Variants in ZMYND12 observed in about 807,000 individuals in gnomAD.
The protein encoded by ZMYND12 is zinc finger MYND domain-containing protein 12.
A neutral mutation model predicts 41.7 loss-of-function variants in ZMYND12; 32 were observed. The ratio of observed to expected loss-of-function variants is 0.77; its 90% confidence interval spans 0.58 to 1.03. The LOEUF (loss-of-function observed/expected upper bound fraction) is 1.03, where lower values mean the gene tolerates loss of function less well. Among genes scored for constraint, ZMYND12 ranks in the 50% least tolerant of loss-of-function variants. The pLI is 0.00. For missense variants in ZMYND12, 424 were observed against 438.5 expected, an observed-to-expected ratio of 0.97 and a Z score of 0.30; for synonymous variants, 148 against 164.8, an observed-to-expected ratio of 0.90 and a Z score of 0.78.
At chr1:42,446,982 C>T (rs751316339) in intron 3 of ZMYND12, among the ~76,000 whole-genome samples, 3 of 152,064 alleles carry the variant, frequency 2.0e-5, no homozygotes, top group South Asian at 2.1e-4. Context: ...ATCAAATTAA[C>T]GATAGTAATG....
intron 3 of ZMYND12, among the ~76,000 whole-genome samples, chr1:42,443,831 T>G (rs1051762736): frequency 6.6e-6 from 1 of 152,158 alleles, no homozygotes; most frequent in African/African-American, 2.4e-5. Context: ...ACATGATCCC[T>G]GACTCCAAGA....
At chr1:42,436,613 A>G (rs1483316384) in intron 4 of ZMYND12, 70 bp from the exon 5 acceptor site, 1 of 1,552,830 alleles carries the variant, frequency 6.4e-7, no homozygotes, top group Non-Finnish European at 8.7e-7. Flanking sequence ...AAGGACTTGT[A>G]TCTAGAATAC....
chr1:42,449,855 G>C lies in ZMYND12; in HGVS notation c.252+63C>G, dbSNP rs908994036. 1.9e-6 allele frequency: 3 copies of C among 1,589,610 alleles called. No homozygotes were observed. In the Admixed American group the frequency reaches 5.1e-5, roughly 27 times the overall value. ...ATTTAGTGATCCCAACACAGTTCGA[G>C]CCTTGTCTTGGGCAGCTTCACCGCA... is the stretch of plus-strand genomic sequence containing the variant. On this transcript the variant is annotated intron_variant, in intron 2 of 7. Coordinates refer to ENST00000372565, the MANE Select transcript of ZMYND12 (RefSeq NM_032257.5).
At position 42,455,985 on chromosome 1, in the gene ZMYND12, AG is replaced by A. The variant is rs1399287033; in HGVS notation, c.12del (p.Tyr5ThrfsTer53). 6.2e-7 allele frequency: 1 copy of A among 1,612,460 alleles called. No homozygotes were observed. The stretch of plus-strand genomic sequence containing the variant: ...CGCCCCTTGGGGACTGCCAGTGGGT[AG>A]ATCACATTCATGGTGCAGCCAGCAG... The part of the protein sequence containing the change: MNV[I>X]YPLAVPKGRR... On this transcript the variant is annotated frameshift_variant, in exon 1 of 8. Coordinates refer to ENST00000372565, the MANE Select transcript of ZMYND12 (RefSeq NM_032257.5). LOFTEE classifies it high-confidence loss of function.
chr1:42,436,471 T>C lies in ZMYND12; in HGVS notation c.667A>G (p.Ile223Val), dbSNP rs143810024. 7,485 of 1,613,844 alleles carry C rather than the reference T, an allele frequency of 4.6e-3. 27 individuals carry two copies. The highest frequency in any genetic ancestry group is 5.2e-3 in the Non-Finnish European group (6,132 of 1,179,738). ...TCCAACTTTTTAAGGTCATAGAATATATTAGCCAGGTGGAAGTAGCCTCCT... is the reference window on the plus strand; with the variant it reads ...TCCAACTTTTTAAGGTCATAGAATACATTAGCCAGGTGGAAGTAGCCTCCT... Reference protein sequence around the residue: ...TSGGYFHLANIFYDLKKLDLA... With the variant: ...TSGGYFHLANVFYDLKKLDLA... Residue 223 changes from isoleucine (I) to valine (V), a missense_variant, in exon 5 of 8, where the codon ATA becomes GTA. Transcript: ENST00000372565.
At chr1:42,450,456 A>G (rs1643071986) in intron 1 of ZMYND12, among the ~76,000 whole-genome samples, 1 of 152,096 alleles carries the variant, frequency 6.6e-6, no homozygotes, top group African/African-American at 2.4e-5. Flanking sequence ...AGGTTTGTCA[A>G]TTTTGTTGGT....
intron 1 of ZMYND12, among the ~76,000 whole-genome samples, chr1:42,452,495 A>C (rs1439596206): frequency 6.6e-6 from 1 of 152,134 alleles, no homozygotes; most frequent in Non-Finnish European, 1.5e-5. Context: ...AAGGTCAGGA[A>C]TTCGAGACCA....
Position 42,433,207 on chromosome 1 carries a change from T to G in ZMYND12, c.911A>C (p.Gln304Pro), listed in dbSNP as rs1316088352. 14 of 1,612,638 alleles carry G rather than the reference T, an allele frequency of 8.7e-6. No homozygotes were observed. Among genetic ancestry groups the G allele is most frequent in the African/African-American group, 2.7e-5 (2 of 74,844 alleles). ...IRESTSDKAP[Q>P]KTIFVLKILV... The stretch of plus-strand genomic sequence containing the variant: ...GATCTTCAGAACAAAGATGGTTTTT[T>G]GGGGGGCTTTGTCAGATGTAGATTC... Residue 304 changes from glutamine (Q) to proline (P), a missense_variant, in exon 7 of 8, where the codon CAA becomes CCA. Physicochemically the swap from Gln to Pro is moderately conservative, Grantham distance 76. Transcript: ENST00000372565.
Position 42,430,729 on chromosome 1 carries a change from T to C in ZMYND12, c.*7A>G, listed in dbSNP as rs1261820043. 6.2e-7 allele frequency: 1 copy of C among 1,614,024 alleles called. No homozygotes were observed. The highest frequency in any genetic ancestry group is 8.5e-7 in the Non-Finnish European group (1 of 1,179,890). On this transcript the variant is annotated 3_prime_UTR_variant, in exon 8 of 8. Transcript: ENST00000372565. The stretch of plus-strand genomic sequence containing the variant: ...GGAATAACCCTTGATGCAGAGCTCA[T>C]GGGTCACTAAGTAATGGGATGGTCT...
intron 3 of ZMYND12, among the ~76,000 whole-genome samples, chr1:42,446,799 T>C (rs1203020854): frequency 1.3e-5 from 2 of 152,136 alleles, no homozygotes; most frequent in Admixed American, 1.3e-4. Context: ...GTACATCTAG[T>C]GCACAGCTTT....
In ZMYND12 at chr1:42,449,960, C is replaced by A; in HGVS notation, c.210G>T (p.Glu70Asp). 6.2e-7 allele frequency: 1 copy of A among 1,613,532 alleles called. No homozygotes were observed. The highest frequency in any genetic ancestry group is 8.5e-7 in the Non-Finnish European group (1 of 1,180,024). ...LRTSMPFYNS[E>D]EERQHGLQQL... Reference sequence around the variant, plus strand: ...GCTGCAGGCCATGCTGCCGTTCTTCCTCTGAATTGTAGAAGGGCATGGAAG... The same window carrying A: ...GCTGCAGGCCATGCTGCCGTTCTTCATCTGAATTGTAGAAGGGCATGGAAG... The change falls in exon 2 of 8, where the codon GAG becomes GAT. Residue 70 changes from glutamate to aspartate, a missense_variant. By Grantham distance (45) the Glu-to-Asp change is conservative. Transcript: ENST00000372565.
Position 42,450,067 on chromosome 1 carries a change from C to T in ZMYND12, c.111-8G>A, listed in dbSNP as rs367922408. On this transcript the variant is annotated splice_polypyrimidine_tract_variant and splice_region_variant and intron_variant, in intron 1 of 7. Transcript: ENST00000372565. ...TTCTGATGTACCACCCCACTGACAA[C>T]GGAAACATAGACTTTATGATCTTTA... 2.1e-5 allele frequency: 34 copies of T among 1,613,158 alleles called. No homozygotes were observed. Among genetic ancestry groups the T allele is most frequent in the East Asian group, 6.7e-5 (3 of 44,882 alleles).
intron 3 of ZMYND12, among the ~76,000 whole-genome samples, chr1:42,444,421 C>G (rs7417606): frequency 0.14 from 21,029 of 152,132 alleles, 1,581 homozygotes; most frequent in East Asian, 0.19. Context: ...CTTCCAGAAA[C>G]GTTAGCAAGG....
intron 3 of ZMYND12, among the ~76,000 whole-genome samples, chr1:42,445,898 C>A (rs921174676): frequency 6.6e-6 from 1 of 152,138 alleles, no homozygotes; most frequent in East Asian, 1.9e-4. Context: ...GCTAGGGTGA[C>A]TTTTCCAGAA....
At chr1:42,441,906 C>G (rs1474287865) in intron 3 of ZMYND12, among the ~76,000 whole-genome samples, 1 of 152,214 alleles carries the variant, frequency 6.6e-6, no homozygotes, top group African/African-American at 2.4e-5. Context: ...AGGCGTGAGC[C>G]ACCGCACCCG....
At chr1:42,455,264 G>A (rs1301223536) in intron 1 of ZMYND12, among the ~76,000 whole-genome samples, 1 of 152,104 alleles carries the variant, frequency 6.6e-6, no homozygotes, top group Non-Finnish European at 1.5e-5. Flanking sequence ...TCTTCCACAG[G>A]GAAAGCTTTC....
chr1:42,442,652 G>A (rs1642983393), intron 3 of ZMYND12, among the ~76,000 whole-genome samples: 1 of 152,118 alleles, frequency 6.6e-6, no homozygotes, highest in African/African-American at 2.4e-5. Flanking sequence ...TCAACAAAGG[G>A]TTAAGAGGTA....
At chr1:42,448,216 C>G (rs1318518225) in intron 3 of ZMYND12, among the ~76,000 whole-genome samples, 1 of 152,186 alleles carries the variant, frequency 6.6e-6, no homozygotes, top group African/African-American at 2.4e-5. Context: ...AGCCTCAGCT[C>G]CTGTAGGATA....
chr1:42,432,841 G>A, intron 7 of ZMYND12: 1 of 297,918 alleles, frequency 3.4e-6, no homozygotes, highest in Non-Finnish European at 6.1e-6. Flanking sequence ...TGGAGTTAGA[G>A]CGGCTACTTC....
Sources: gnomAD v4.1 joint callset for allele counts (sites outside exome capture counted in the v4.1 genomes callset) on GRCh38, gnomAD v4.1.1 for gene constraint, MANE v1.5 for transcripts, NCBI Gene and HGNC (gene_info 2026-07-23, HGNC 2026-07-21) for gene names.